The following HIP1 variants were observed in gnomAD, a reference collection of about 807,000 sequenced individuals.
HIP1 encodes the protein huntingtin-interacting protein 1.
In HIP1, 65 loss-of-function variants were observed where a neutral mutation model predicts 147.6. The observed-to-expected ratio is 0.44, with a 90% confidence interval of 0.36 to 0.54. HIP1 has a LOEUF of 0.54. Among genes scored for constraint, HIP1 ranks in the 20% least tolerant of loss-of-function variants. The pLI is 0.00. For missense variants in HIP1, 1,061 were observed against 1,299.6 expected (o/e 0.82, Z 2.82); for synonymous variants, 479 against 504.0 (o/e 0.95, Z 0.67).
intron 1 of HIP1, among the ~76,000 whole-genome samples, chr7:75,718,020 C>T (rs1295037405): frequency 4.0e-5 from 6 of 150,496 alleles, no homozygotes; most frequent in African/African-American, 1.2e-4. Context: ...TGATGGCTCA[C>T]ACCTGTAATC....
intron 20 of HIP1, 28 bp downstream of exon 20, chr7:75,554,412 G>A (rs1471574382): frequency 5.7e-6 from 9 of 1,582,430 alleles, no homozygotes; most frequent in East Asian, 4.5e-5. Flanking sequence ...ATCACTAGCC[G>A]ACAGAGACTG....
At chr7:75,706,476 T>TA (rs1563304799) in intron 1 of HIP1, among the ~76,000 whole-genome samples, 1 of 148,274 alleles carries the variant, frequency 6.7e-6, no homozygotes, top group Admixed American at 6.7e-5. Flanking sequence ...ATATCTTCTT[T>TA]TTTTTTATTT....
chr7:75,657,040 G>GC (rs1185646921), intron 1 of HIP1, among the ~76,000 whole-genome samples: 1 of 152,148 alleles, frequency 6.6e-6, no homozygotes, highest in East Asian at 1.9e-4. Context: ...GTAGAAAGTT[G>GC]ACCCGGCAAT....
At chr7:75,695,431 C>T (rs1363125073) in intron 1 of HIP1, among the ~76,000 whole-genome samples, 3 of 152,206 alleles carry the variant, frequency 2.0e-5, no homozygotes, top group Non-Finnish European at 4.4e-5. Flanking sequence ...TATACCCAAA[C>T]CTCTGCCACA....
chr7:75,640,752 C>CAATAAT (rs139850457), intron 1 of HIP1, among the ~76,000 whole-genome samples: 1,445 of 84,976 alleles, frequency 0.017, 13 homozygotes, highest in South Asian at 0.033. Flanking sequence ...GACTCCATCT[C>CAATAAT]AATAATAATA....
Position 75,551,189 on chromosome 7 carries a change from A to ATTTTTTTTTTTTTTTTTTTTTTTT in HIP1, c.2296-2212_2296-2189dup, listed in dbSNP as rs55679922. On this transcript the variant is annotated intron_variant, in intron 22 of 30. Coordinates refer to ENST00000336926, the MANE Select transcript of HIP1 (RefSeq NM_005338.7). ...TAGGGAGGCAAAGATGTAGATGATA[A>ATTTTTTTTTTTTTTTTTTTTTTTT]TTTTTTTTTTTTTTTTTTTTTTTTT... Among the ~76,000 whole-genome samples the ATTTTTTTTTTTTTTTTTTTTTTTT allele has an allele frequency of 1.3e-4, 10 of 77,416 alleles. 3 individuals carry two copies. Among genetic ancestry groups the ATTTTTTTTTTTTTTTTTTTTTTTT allele is most frequent in the African/African-American group, 6.1e-4 (9 of 14,718 alleles). 50.8% of individuals were successfully genotyped at this position (77,416 alleles called of 152,430 possible).
Position 75,596,183 on chromosome 7 carries a change from A to T in HIP1, c.184+3001T>A, listed in dbSNP as rs1380810936. 4.9e-5 allele frequency among the ~76,000 whole-genome samples: 7 copies of T among 141,838 alleles called. No homozygotes were observed. The South Asian group carries it at 6.6e-4, about 13-fold the overall frequency. 93.1% of individuals were successfully genotyped at this position (141,838 alleles called of 152,430 possible). A position where few individuals can be genotyped will look rare whatever the true frequency, so the allele number is the denominator to read the frequency against. Reference sequence around the variant, plus strand: ...AAGTTGGAGGCTGCAGTGAGCCTCCAACTGATTGTGTCACTGCACTCCAGC... The same window carrying T: ...AAGTTGGAGGCTGCAGTGAGCCTCCTACTGATTGTGTCACTGCACTCCAGC... On this transcript the variant is annotated intron_variant, in intron 2 of 30. Coordinates refer to ENST00000336926, the MANE Select transcript of HIP1 (RefSeq NM_005338.7).
intron 1 of HIP1, among the ~76,000 whole-genome samples, chr7:75,604,810 C>T (rs1431064195): frequency 6.6e-5 from 10 of 152,156 alleles, no homozygotes; most frequent in African/African-American, 1.4e-4. Context: ...TACTGCTTGA[C>T]CAATTGCTCA....
At position 75,664,071 on chromosome 7, in the gene HIP1, T is replaced by C. The variant is rs1186978633; in HGVS notation, c.121-64824A>G. On this transcript the variant is annotated intron_variant, in intron 1 of 30. Transcript: ENST00000336926. ...ATGTGTATATACACATATATGTGTA[T>C]ATACACACACATATACACACATATG... is the stretch of plus-strand genomic sequence containing the variant. Among the ~76,000 whole-genome samples the C allele has an allele frequency of 1.5e-4, 9 of 60,926 alleles. 1 individual carries two copies. The highest frequency in any genetic ancestry group is 2.2e-4 in the Non-Finnish European group (6 of 27,020). The allele number at this position is 60,926 out of a possible 152,430, so 40.0% of individuals were successfully genotyped here.
At chr7:75,573,397 AT>A (rs1256389119) in intron 8 of HIP1, among the ~76,000 whole-genome samples, 2 of 152,180 alleles carry the variant, frequency 1.3e-5, no homozygotes, top group African/African-American at 4.8e-5. Context: ...CTAATACTCA[AT>A]AAAGCTCCTC....
intron 1 of HIP1, among the ~76,000 whole-genome samples, chr7:75,635,403 G>A (rs1304173748): frequency 1.3e-5 from 2 of 151,798 alleles, no homozygotes; most frequent in African/African-American, 4.8e-5. Flanking sequence ...CAGATGAGAC[G>A]AGAGATCATT....
intron 1 of HIP1, among the ~76,000 whole-genome samples, chr7:75,630,721 T>C (rs1216520059): frequency 1.3e-5 from 2 of 152,142 alleles, no homozygotes; most frequent in African/African-American, 4.8e-5. Flanking sequence ...TTCTCCAGGC[T>C]GACACATGCC....
At chr7:75,580,343 AC>A (rs1235390761) in intron 7 of HIP1, among the ~76,000 whole-genome samples, 1 of 152,000 alleles carries the variant, frequency 6.6e-6, no homozygotes, top group African/African-American at 2.4e-5. Context: ...AAGAGGTAAG[AC>A]CTGTCTTTGG....
At chr7:75,676,984 C>G (rs1162444271) in intron 1 of HIP1, among the ~76,000 whole-genome samples, 1 of 151,986 alleles carries the variant, frequency 6.6e-6, no homozygotes, top group African/African-American at 2.4e-5. Flanking sequence ...CACCTGAGGT[C>G]AGGAGTTCAA....
chr7:75,557,012 A>AT (rs782482947), intron 16 of HIP1, among the ~76,000 whole-genome samples: 73 of 121,404 alleles, frequency 6.0e-4, no homozygotes, highest in Non-Finnish European at 1.0e-3. Context: ...TCAAGGAAGG[A>AT]TTTTTTATTA....
At chr7:75,644,381 G>C (rs927279251) in intron 1 of HIP1, among the ~76,000 whole-genome samples, 3 of 152,024 alleles carry the variant, frequency 2.0e-5, no homozygotes, top group African/African-American at 7.2e-5. Context: ...TGCAACCTCC[G>C]CCTCCCAGGT....
intron 1 of HIP1, among the ~76,000 whole-genome samples, chr7:75,730,513 A>G (rs987347633): frequency 6.8e-6 from 1 of 146,850 alleles, no homozygotes; most frequent in Non-Finnish European, 1.5e-5. Context: ...CTAATTTTGT[A>G]TTTTTACCAG....
chr7:75,540,183 T>G (rs369868139), intron 29 of HIP1, among the ~76,000 whole-genome samples: 38 of 152,144 alleles, frequency 2.5e-4, no homozygotes, highest in African/African-American at 8.9e-4. Context: ...ATCCCAGCAC[T>G]TTGGGAGGCC....
In HIP1 at chr7:75,563,051, A is replaced by G; in HGVS notation, c.904T>C (p.Ser302Pro). The G allele has an allele frequency of 6.2e-7, 1 of 1,614,180 alleles. No individual in the cohort carries two copies. Among genetic ancestry groups the G allele is most frequent in the Non-Finnish European group, 8.5e-7 (1 of 1,180,038 alleles). ...GGGCTGATATGTTCTGACAGGGCTG[A>G]GGCTCGCAGGAAGTTGGGTGGGTTC... ...PENPPNFLRASALSEHISPVV... is the reference protein window; with the variant it reads ...PENPPNFLRAPALSEHISPVV... The change falls in exon 11 of 31, where the codon TCA becomes CCA. Residue 302 changes from serine (S) to proline (P), a missense_variant. By Grantham distance (74) the Ser-to-Pro change is moderately conservative (BLOSUM62 -1). This residue lies in a region of HIP1 where 810 missense variants were observed against 946.8 expected (regional missense o/e 0.86). Coordinates refer to ENST00000336926, the MANE Select transcript of HIP1 (RefSeq NM_005338.7).
Sources: gnomAD v4.1 joint callset for allele counts (sites outside exome capture counted in the v4.1 genomes callset) on GRCh38, gnomAD v4.1.1 for gene constraint, gnomAD v4.1.1 regional missense constraint, MANE v1.5 for transcripts, NCBI Gene and HGNC (gene_info 2026-07-23, HGNC 2026-07-21) for gene names.